Variants in CAPN9 observed in about 807,000 individuals in gnomAD.
The protein encoded by CAPN9 is calpain-9.
In CAPN9, 81 loss-of-function variants were observed where a neutral mutation model predicts 92.8. The observed-to-expected ratio is 0.87, with a 90% confidence interval of 0.73 to 1.05. The LOEUF is 1.05. CAPN9 is among the 50% of genes least tolerant of loss of function. The pLI, the probability that CAPN9 is intolerant of heterozygous loss-of-function variation, is 0.00. For synonymous variants in CAPN9, 304 were observed against 328.0 expected, an observed-to-expected ratio of 0.93 and a Z score of 0.79; for missense variants, 848 against 866.2, an observed-to-expected ratio of 0.98 and a Z score of 0.26.
chr1:230,792,284 T>C (rs748015314), intron 15 of CAPN9, 142 bp from the exon 16 acceptor site: 165 of 686,644 alleles, frequency 2.4e-4, no homozygotes, highest in Non-Finnish European at 3.6e-4. Flanking sequence ...GTTTAATCAT[T>C]AAAACCACTT....
chr1:230,772,580 G>T (rs1666459130), intron 7 of CAPN9, among the ~76,000 whole-genome samples: 1 of 152,112 alleles, frequency 6.6e-6, no homozygotes, highest in Non-Finnish European at 1.5e-5. Flanking sequence ...TAGCCCAGCA[G>T]AGAAATAGAA....
At chr1:230,762,967 G>A (rs903234175) in intron 4 of CAPN9, among the ~76,000 whole-genome samples, 181 bp downstream of exon 4, 9 of 152,162 alleles carry the variant, frequency 5.9e-5, no homozygotes, top group African/African-American at 2.2e-4. Context: ...TCGTAGCCTA[G>A]ATGTGCCCAT....
chr1:230,770,783 C>T (rs1666339623), intron 6 of CAPN9, among the ~76,000 whole-genome samples: 1 of 152,240 alleles, frequency 6.6e-6, no homozygotes. Context: ...GGACCAGTCT[C>T]AAGCCCAGTA....
Position 230,753,279 on chromosome 1 carries a change from G to A in CAPN9, c.214-2058G>A, listed in dbSNP as rs543254761. Reference sequence around the variant, plus strand: ...TTTGGGAGGTCCTTACTTCTGCCGGGCCTGGGGTTTTGGCGCATCTAAAAA... The same window carrying A: ...TTTGGGAGGTCCTTACTTCTGCCGGACCTGGGGTTTTGGCGCATCTAAAAA... On this transcript the variant is annotated intron_variant, in intron 1 of 19. Coordinates refer to ENST00000271971, the MANE Select transcript of CAPN9 (RefSeq NM_006615.3). 3.3e-5 allele frequency among the ~76,000 whole-genome samples: 5 copies of A among 152,296 alleles called. No individual in the cohort carries two copies. The East Asian group carries it at 9.7e-4, about 29-fold the overall frequency.
intron 19 of CAPN9, among the ~76,000 whole-genome samples, chr1:230,800,292 A>AAGAAAGAAAGAG (rs1668636142): frequency 8.9e-6 from 1 of 111,870 alleles, no homozygotes; most frequent in Non-Finnish European, 2.0e-5. Context: ...GAAAGAAAGA[A>AAGAAAGAAAGAG]AGAAAGAAAG....
At chr1:230,761,833 C>T (rs1188687977) in intron 3 of CAPN9, among the ~76,000 whole-genome samples, 1 of 152,106 alleles carries the variant, frequency 6.6e-6, no homozygotes, top group Non-Finnish European at 1.5e-5. Flanking sequence ...TGACTCGTTC[C>T]AACCTCCCTT....
At chr1:230,772,899 T>C (rs767036977) in intron 7 of CAPN9, among the ~76,000 whole-genome samples, 6 of 152,088 alleles carry the variant, frequency 3.9e-5, no homozygotes, top group Admixed American at 6.5e-5. Flanking sequence ...CTCTGGTCCC[T>C]TGGGAAGTGG....
intron 9 of CAPN9, among the ~76,000 whole-genome samples, chr1:230,779,847 A>G (rs1667083755): frequency 6.6e-6 from 1 of 152,182 alleles, no homozygotes; most frequent in African/African-American, 2.4e-5. Flanking sequence ...CCTTTGAAAT[A>G]CTAAGTGGAA....
Position 230,780,352 on chromosome 1 carries a change from A to T in CAPN9, c.1272+16A>T. The T allele has an allele frequency of 6.2e-7, 1 of 1,612,910 alleles. No individual in the cohort carries two copies. Among genetic ancestry groups the T allele is most frequent in the Middle Eastern group, 1.7e-4 (1 of 6,058 alleles). On this transcript the variant is annotated intron_variant, in intron 10 of 19. Transcript: ENST00000271971. ...CATTTATGAGGTAGGTGGGAACCAC[A>T]CTGCATTTCAGAGTTCTCCATCTGA...
intron 11 of CAPN9, among the ~76,000 whole-genome samples, chr1:230,784,211 G>C (rs1231054679): frequency 6.6e-6 from 1 of 152,186 alleles, no homozygotes; most frequent in African/African-American, 2.4e-5. Flanking sequence ...ATAAAAATTT[G>C]GAAAATTTGC....
intron 1 of CAPN9, 48 bp downstream of exon 1, chr1:230,747,757 G>A (rs751496484): frequency 3.9e-6 from 6 of 1,537,902 alleles, no homozygotes; most frequent in South Asian, 2.2e-5. Context: ...CCGAGGTTCA[G>A]CAGCCCCCGC....
At chr1:230,783,803 A>G (rs1047542678) in intron 11 of CAPN9, among the ~76,000 whole-genome samples, 1 of 152,216 alleles carries the variant, frequency 6.6e-6, no homozygotes, top group African/African-American at 2.4e-5. Context: ...AGAGGTTGGA[A>G]GAGTTTGAAG....
intron 4 of CAPN9, among the ~76,000 whole-genome samples, chr1:230,764,561 T>A (rs757887588): frequency 2.6e-5 from 4 of 151,992 alleles, no homozygotes; most frequent in African/African-American, 4.8e-5. Flanking sequence ...ATTGAAGGGG[T>A]TGGAGAGAAA....
At chr1:230,754,869 G>T (rs1332172977) in intron 1 of CAPN9, among the ~76,000 whole-genome samples, 1 of 152,164 alleles carries the variant, frequency 6.6e-6, no homozygotes, top group East Asian at 1.9e-4. Context: ...TATAAAGAAA[G>T]AAATGGAGAA....
chr1:230,790,859 G>A (rs915446845), intron 14 of CAPN9, among the ~76,000 whole-genome samples: 1 of 152,218 alleles, frequency 6.6e-6, no homozygotes, highest in African/African-American at 2.4e-5. Flanking sequence ...GCTGTGGCAG[G>A]AGAATTGCTT....
At chr1:230,763,464 T>C (rs1317736994) in intron 4 of CAPN9, among the ~76,000 whole-genome samples, 2 of 152,188 alleles carry the variant, frequency 1.3e-5, no homozygotes, top group African/African-American at 4.8e-5. Flanking sequence ...ATTTATCTAG[T>C]CTAGGAACCT....
chr1:230,769,297 G>T lies in CAPN9; in HGVS notation c.789+34G>T, dbSNP rs764424157. On this transcript the variant is annotated intron_variant, in intron 6 of 19. Coordinates refer to ENST00000271971, the MANE Select transcript of CAPN9 (RefSeq NM_006615.3). ...CTTGAACTCCAACTGCAGGCTATGG[G>T]GAGACATGTGACAATGCTAATCCCT... 2.1e-6 allele frequency: 3 copies of T among 1,435,992 alleles called. No individual in the cohort carries two copies. In the South Asian group the frequency reaches 3.5e-5, roughly 17 times the overall value. 89.0% of individuals were successfully genotyped at this position (1,435,992 alleles called of 1,614,324 possible).
chr1:230,786,406 C>A, intron 12 of CAPN9, among the ~76,000 whole-genome samples: 1 of 151,952 alleles, frequency 6.6e-6, no homozygotes, highest in East Asian at 1.9e-4. Context: ...TAAAGGAGGA[C>A]AAAGGTTTTT....
intron 3 of CAPN9, among the ~76,000 whole-genome samples, chr1:230,760,711 T>C (rs1248420055): frequency 6.6e-6 from 1 of 151,964 alleles, no homozygotes; most frequent in Non-Finnish European, 1.5e-5. Context: ...GCTGTCTCCC[T>C]TCCCATCCTG....
Sources: gnomAD v4.1 joint callset for allele counts (sites outside exome capture counted in the v4.1 genomes callset) on GRCh38, gnomAD v4.1.1 for gene constraint, MANE v1.5 for transcripts, NCBI Gene and HGNC (gene_info 2026-07-23, HGNC 2026-07-21) for gene names.